GYPB: variants seen among roughly 807,000 people sequenced by gnomAD.
GYPB encodes the protein glycophorin B (MNS blood group).
Under a neutral mutation model 15.3 loss-of-function variants are expected in GYPB, and 13 were observed. The ratio of observed to expected loss-of-function variants is 0.85; its 90% CI spans 0.55 to 1.35. The LOEUF (loss-of-function observed/expected upper bound fraction) is 1.35, where lower values mean the gene tolerates loss of function less well. GYPB is among the 40% of genes most tolerant of loss of function. GYPB has a pLI of 0.00. For synonymous variants in GYPB, 38 were observed against 36.9 expected, an observed-to-expected ratio of 1.03 and a Z score of -0.11; for missense variants, 131 against 108.3, an observed-to-expected ratio of 1.21 and a Z score of -0.93.
intron 1 of GYPB, among the ~76,000 whole-genome samples, chr4:144,007,278 A>AT (rs1727970283): frequency 6.6e-6 from 1 of 151,734 alleles, no homozygotes; most frequent in Admixed American, 6.5e-5. Context: ...AGCGTGGCCT[A>AT]TTAACTGGTG....
At chr4:144,004,893 A>G (rs1174963395) in intron 1 of GYPB, among the ~76,000 whole-genome samples, 4 of 151,722 alleles carry the variant, frequency 2.6e-5, no homozygotes, top group Non-Finnish European at 5.9e-5. Flanking sequence ...TACTATAGCT[A>G]TATACTATTT....
At chr4:144,009,982 G>C (rs1158310822) in intron 1 of GYPB, among the ~76,000 whole-genome samples, 1 of 151,012 alleles carries the variant, frequency 6.6e-6, no homozygotes, top group African/African-American at 2.5e-5. Context: ...CAAAACTAGG[G>C]GGCCAGCCGT....
At chr4:144,016,709 G>A (rs1728518234) in intron 1 of GYPB, 2 of 338,682 alleles carry the variant, frequency 5.9e-6, no homozygotes, top group East Asian at 7.4e-5. Context: ...CCTAGTTGAA[G>A]TGATATAGTA....
chr4:144,012,023 G>A (rs1466785551), intron 1 of GYPB, among the ~76,000 whole-genome samples: 1 of 152,082 alleles, frequency 6.6e-6, no homozygotes, highest in Non-Finnish European at 1.5e-5. Context: ...GGAAATAAGT[G>A]ATAACATCAA....
At chr4:143,996,801 CA>C (rs535838119) in intron 4 of GYPB, among the ~76,000 whole-genome samples, 5 of 150,194 alleles carry the variant, frequency 3.3e-5, no homozygotes, top group East Asian at 1.9e-4. Context: ...TTTAATGATT[CA>C]AAAAAAATCA....
intron 1 of GYPB, among the ~76,000 whole-genome samples, chr4:144,013,343 T>A (rs906627766): frequency 1.3e-5 from 2 of 151,090 alleles, no homozygotes; most frequent in African/African-American, 4.9e-5. Flanking sequence ...AGTTCAACCA[T>A]TGTGGAAGTC....
At chr4:143,999,617 G>A (rs1727517116) in intron 2 of GYPB, among the ~76,000 whole-genome samples, 168 bp from the exon 3 acceptor site, 1 of 151,448 alleles carries the variant, frequency 6.6e-6, no homozygotes, top group Non-Finnish European at 1.5e-5. Context: ...TAATGTGTCA[G>A]TCTTACCATT....
intron 1 of GYPB, chr4:144,008,370 A>T (rs1402353123): frequency 2.2e-6 from 1 of 454,722 alleles, no homozygotes; most frequent in Non-Finnish European, 4.4e-6. Context: ...CTAAATGAAG[A>T]GATATAAAGA....
Position 144,001,239 on chromosome 4 carries a change from G to T in GYPB, c.82C>A (p.His28Asn). 4 of 1,612,906 alleles carry T rather than the reference G, an allele frequency of 2.5e-6. No individual in the cohort carries two copies. Among genetic ancestry groups the T allele is most frequent in the Non-Finnish European group, 3.4e-6 (4 of 1,179,818 alleles). Residue 28 changes from histidine to asparagine, a missense_variant, in exon 2 of 5, where the codon CAC becomes AAC. His to Asn is a moderately conservative substitution (Grantham distance 68, BLOSUM62 1). Transcript: ENST00000502664. ...SALSTTEVAM[H>N]TSTSSSVTKS... is the part of the protein sequence containing the mutation. Reference sequence around the variant, plus strand: ...GTGACTGAAGAAGAGGTTGAAGTGTGCATTGCCACCTCAGTGGTACTTAAT... The same window carrying T: ...GTGACTGAAGAAGAGGTTGAAGTGTTCATTGCCACCTCAGTGGTACTTAAT...
At position 144,007,805 on chromosome 4, in the gene GYPB, A is replaced by G. The variant is rs11936231; in HGVS notation, c.38-6522T>C. Among the ~76,000 whole-genome samples, 1,510 of 151,424 alleles carry G rather than the reference A, an allele frequency of 1.0e-2. 96 individuals are homozygous for G. The highest frequency in any genetic ancestry group is 0.035 in the African/African-American group (1,419 of 40,762). On this transcript the variant is annotated intron_variant, in intron 1 of 4. Coordinates refer to ENST00000502664, the MANE Select transcript of GYPB (RefSeq NM_002100.6). Reference sequence around the variant, plus strand: ...GTCTCTCTTTTTAAGCTTTAAAAAAAGTTTTGCTTTTTTCTTGAGATAGGG... The same window carrying G: ...GTCTCTCTTTTTAAGCTTTAAAAAAGGTTTTGCTTTTTTCTTGAGATAGGG...
Position 143,997,640 on chromosome 4 carries a change from G to A in GYPB, c.176-6C>T, listed in dbSNP as rs1273842650. ...GAGTATTATCACTACAGGAGCTAAA[G>A]AGAGCAGCAAAATTATGAAAGTCTG... On this transcript the variant is annotated splice_region_variant and splice_polypyrimidine_tract_variant and intron_variant, in intron 3 of 4. Coordinates refer to ENST00000502664, the MANE Select transcript of GYPB (RefSeq NM_002100.6). The A allele has an allele frequency of 7.0e-7, 1 of 1,427,430 alleles. No individual in the cohort carries two copies. The highest frequency in any genetic ancestry group is 2.3e-5 in the East Asian group (1 of 43,868). The allele number at this position is 1,427,430 out of a possible 1,614,324, so 88.4% of individuals were successfully genotyped here. A position where few individuals can be genotyped will look rare whatever the true frequency, so the allele number is the denominator to read the frequency against.
chr4:144,010,717 C>G (rs149641115), intron 1 of GYPB, among the ~76,000 whole-genome samples: 1 of 151,288 alleles, frequency 6.6e-6, no homozygotes, highest in Non-Finnish European at 1.5e-5. Flanking sequence ...CTGAAATGCA[C>G]TCACGGCCCG....
intron 4 of GYPB, chr4:143,997,328 A>C: frequency 2.3e-6 from 1 of 428,984 alleles, no homozygotes; most frequent in East Asian, 4.4e-5. Context: ...AAAATGGGGG[A>C]CAGACTTATA....
chr4:144,008,480 A>C lies in GYPB; in HGVS notation c.38-7197T>G, dbSNP rs17018966. 5.7e-3 allele frequency: 2,597 copies of C among 454,990 alleles called. 198 individuals are homozygous for C. The highest frequency in any genetic ancestry group is 0.047 in the African/African-American group (2,311 of 49,260). The allele number at this position is 454,990 out of a possible 1,614,324, so 28.2% of individuals were successfully genotyped here. On this transcript the variant is annotated intron_variant, in intron 1 of 4. Coordinates refer to ENST00000502664, the MANE Select transcript of GYPB (RefSeq NM_002100.6). ...GTGGCAAATCCACATTACGGAAGAG[A>C]AGATGGTTCTGGTTATTAACAGTCT...
intron 3 of GYPB, among the ~76,000 whole-genome samples, chr4:143,998,447 CT>C (rs1259085923): frequency 6.6e-6 from 1 of 150,906 alleles, no homozygotes; most frequent in African/African-American, 2.5e-5. Context: ...TTTCCTCTTG[CT>C]GGTGTTGCCC....
intron 2 of GYPB, among the ~76,000 whole-genome samples, 154 bp downstream of exon 2, chr4:144,001,031 T>C (rs922056563): frequency 6.6e-6 from 1 of 151,516 alleles, no homozygotes; most frequent in African/African-American, 2.5e-5. Context: ...AATTCCTCTG[T>C]AGTAAGAATT....
downstream of GYPB, among the ~76,000 whole-genome samples, chr4:143,995,648 C>T (rs3911995): frequency 0.7 from 104,785 of 150,540 alleles, 37,249 homozygotes; most frequent in East Asian, 0.95. Flanking sequence ...CCCTTCTCTA[C>T]GTGCTCCTAC....
intron 4 of GYPB, 34 bp downstream of exon 4, chr4:143,997,506 G>A (rs1727383155): frequency 1.7e-6 from 2 of 1,177,874 alleles, no homozygotes; most frequent in Non-Finnish European, 2.5e-6. Context: ...GTTCACACTG[G>A]TATTTAGAGC....
At chr4:144,008,101 T>G (rs1196013350) in intron 1 of GYPB, among the ~76,000 whole-genome samples, 4 of 151,642 alleles carry the variant, frequency 2.6e-5, no homozygotes, top group African/African-American at 2.4e-5. Flanking sequence ...TGTTAGATGT[T>G]AATTATTCTT....
Sources: gnomAD v4.1 joint callset for allele counts (sites outside exome capture counted in the v4.1 genomes callset) on GRCh38, gnomAD v4.1.1 for gene constraint, MANE v1.5 for transcripts, NCBI Gene and HGNC (gene_info 2026-07-23, HGNC 2026-07-21) for gene names.